Variants in AGBL4 observed in about 807,000 individuals in gnomAD.
The protein encoded by AGBL4 is cytosolic carboxypeptidase 6.
Under a neutral mutation model 66.4 loss-of-function variants are expected in AGBL4, and 58 were observed. That is an observed-to-expected ratio of 0.87 (90% confidence interval 0.71 to 1.09). The LOEUF is 1.09. Ranked by LOEUF, AGBL4 falls within the 50% of genes least tolerant of loss-of-function variation. The pLI is 0.00. For synonymous variants in AGBL4, 234 were observed against 222.9 expected (o/e 1.05, Z -0.44); for missense variants, 579 against 631.0 (o/e 0.92, Z 0.88).
At chr1:49,747,630 T>C (rs1177821514) in intron 2 of AGBL4, among the ~76,000 whole-genome samples, 2 of 152,186 alleles carry the variant, frequency 1.3e-5, no homozygotes, top group Non-Finnish European at 1.5e-5. Context: ...AGAGATCTTC[T>C]AAAATTTTTC....
At chr1:49,613,243 AGAGTGGGGTAAGGGCT>A (rs1645186517) in intron 3 of AGBL4, among the ~76,000 whole-genome samples, 1 of 151,988 alleles carries the variant, frequency 6.6e-6, no homozygotes, top group African/African-American at 2.4e-5. Flanking sequence ...GGGGAGGAAA[AGAGTGGGGTAAGGGCT>A]GAAAACTACC....
At position 49,109,776 on chromosome 1, in the gene AGBL4, C is replaced by T. The variant is rs748772135; in HGVS notation, c.378-63976G>A. On this transcript the variant is annotated intron_variant, in intron 4 of 13. Transcript: ENST00000371839. ...TTGCCTCACTGATTCCACCTTTCCC[C>T]GTCCACTTTCATTTTTCTTACTGAC... Among the ~76,000 whole-genome samples the T allele has an allele frequency of 9.2e-5, 14 of 152,192 alleles. No individual in the cohort carries two copies. In the East Asian group the frequency reaches 9.7e-4, roughly 11 times the overall value.
intron 6 of AGBL4, among the ~76,000 whole-genome samples, chr1:48,804,036 A>T (rs1390534214): frequency 1.3e-5 from 2 of 152,192 alleles, no homozygotes; most frequent in African/African-American, 2.4e-5. Context: ...ACAAGATTTT[A>T]AAAAATCCCA....
At chr1:49,271,619 A>C (rs1174353539) in intron 3 of AGBL4, among the ~76,000 whole-genome samples, 2 of 151,610 alleles carry the variant, frequency 1.3e-5, no homozygotes, top group African/African-American at 4.8e-5. Flanking sequence ...TAGATTTCTT[A>C]GTTGACTAAA....
At chr1:49,175,078 C>A (rs1398612242) in intron 4 of AGBL4, 1 of 151,978 alleles carries the variant, frequency 6.6e-6, no homozygotes, top group African/African-American at 2.4e-5. Context: ...CCTTCATTAT[C>A]TCAGGTACAA....
chr1:49,936,641 G>A (rs951897605), intron 1 of AGBL4, among the ~76,000 whole-genome samples: 6 of 152,138 alleles, frequency 3.9e-5, no homozygotes, highest in African/African-American at 1.2e-4. Flanking sequence ...CGGATCTCTC[G>A]GCAGAAACTC....
At chr1:49,186,317 A>G (rs1423313049) in intron 4 of AGBL4, among the ~76,000 whole-genome samples, 1 of 152,190 alleles carries the variant, frequency 6.6e-6, no homozygotes, top group Non-Finnish European at 1.5e-5. Flanking sequence ...CTACCCTGTT[A>G]TCCTCCAACA....
chr1:49,732,663 G>C (rs1320245547), intron 2 of AGBL4, among the ~76,000 whole-genome samples: 1 of 152,140 alleles, frequency 6.6e-6, no homozygotes, highest in Admixed American at 6.6e-5. Context: ...ATAAACAGTA[G>C]ATTTGAGGTG....
chr1:49,582,447 T>C (rs983273123), intron 3 of AGBL4, among the ~76,000 whole-genome samples: 16 of 152,150 alleles, frequency 1.1e-4, no homozygotes, highest in Non-Finnish European at 1.9e-4. Flanking sequence ...TAGTTCATGC[T>C]TCACTTGCAA....
intron 3 of AGBL4, among the ~76,000 whole-genome samples, chr1:49,696,551 A>G (rs1202790565): frequency 6.6e-6 from 1 of 152,140 alleles, no homozygotes; most frequent in African/African-American, 2.4e-5. Flanking sequence ...TATTCAAAGT[A>G]TTGTATAAAA....
At chr1:49,952,722 C>A (rs945740715) in intron 1 of AGBL4, among the ~76,000 whole-genome samples, 2 of 151,684 alleles carry the variant, frequency 1.3e-5, no homozygotes, top group Non-Finnish European at 2.9e-5. Flanking sequence ...GAAGACAGTC[C>A]CAGTAATAGA....
chr1:49,525,858 C>T (rs1337057834), intron 3 of AGBL4, among the ~76,000 whole-genome samples: 3 of 151,728 alleles, frequency 2.0e-5, no homozygotes, highest in Admixed American at 6.5e-5. Flanking sequence ...GAGGCCAAGG[C>T]GGGTGGGTCA....
intron 3 of AGBL4, among the ~76,000 whole-genome samples, chr1:49,256,962 A>G (rs1652558367): frequency 6.6e-6 from 1 of 152,210 alleles, no homozygotes; most frequent in African/African-American, 2.4e-5. Flanking sequence ...ATACAGAAAT[A>G]AAACCCAAAT....
In AGBL4 at chr1:49,596,452, T is replaced by G. The variant is rs1308263531; in HGVS notation, c.282+100861A>C. ...TGCCAAAATGGTGGGATTACAGCTGTGAGGCACTACGCCCAGCCTGTCCTC... is the reference window on the plus strand; with the variant it reads ...TGCCAAAATGGTGGGATTACAGCTGGGAGGCACTACGCCCAGCCTGTCCTC... On this transcript the variant is annotated intron_variant, in intron 3 of 13. Coordinates refer to ENST00000371839, the MANE Select transcript of AGBL4 (RefSeq NM_032785.4). Among the ~76,000 whole-genome samples the G allele has an allele frequency of 3.9e-5, 6 of 152,340 alleles. No homozygotes were observed. The East Asian group carries it at 1.2e-3, about 29-fold the overall frequency.
chr1:49,309,578 T>G (rs1460746737), intron 3 of AGBL4, among the ~76,000 whole-genome samples: 1 of 152,042 alleles, frequency 6.6e-6, no homozygotes, highest in Non-Finnish European at 1.5e-5. Flanking sequence ...CTCTGGTTAC[T>G]TAATCCATGT....
At position 49,430,458 on chromosome 1, in the gene AGBL4, C is replaced by G. The variant is rs540310641; in HGVS notation, c.283-184594G>C. On this transcript the variant is annotated intron_variant, in intron 3 of 13. Coordinates refer to ENST00000371839, the MANE Select transcript of AGBL4 (RefSeq NM_032785.4). ...CATGAGAAGGAAATTTTCTTTGCTT[C>G]TGTATCAGCAGACCCTAGTATGGGC... 1.9e-4 allele frequency among the ~76,000 whole-genome samples: 29 copies of G among 152,276 alleles called. No homozygotes were observed. In the South Asian group the frequency reaches 5.2e-3, roughly 27 times the overall value.
In AGBL4 at chr1:48,755,303, C is replaced by T. The variant is rs1294780717; in HGVS notation, c.635-92062G>A. Among the ~76,000 whole-genome samples the T allele has an allele frequency of 1.3e-5, 2 of 152,182 alleles. 1 individual carries two copies. Among genetic ancestry groups the T allele is most frequent in the African/African-American group, 4.8e-5 (2 of 41,440 alleles). On this transcript the variant is annotated intron_variant, in intron 6 of 13. Coordinates refer to ENST00000371839, the MANE Select transcript of AGBL4 (RefSeq NM_032785.4). The stretch of plus-strand genomic sequence containing the variant: ...TCTACCATTCGTAGGACCCCACTAC[C>T]TCGGTGAGTAAATAATGATTCTTCC...
At chr1:49,846,489 CAT>C (rs1461866763) in intron 2 of AGBL4, 7 of 969,058 alleles carry the variant, frequency 7.2e-6, no homozygotes, top group Non-Finnish European at 1.0e-5. Flanking sequence ...ACATGAGAAA[CAT>C]ATGTCTTTAT....
chr1:49,403,041 A>G (rs1477553664), intron 3 of AGBL4, among the ~76,000 whole-genome samples: 2 of 151,972 alleles, frequency 1.3e-5, no homozygotes, highest in African/African-American at 4.8e-5. Context: ...GCTTTTGTTG[A>G]TTTTCTGTCT....
Sources: gnomAD v4.1 joint callset for allele counts (sites outside exome capture counted in the v4.1 genomes callset) on GRCh38, gnomAD v4.1.1 for gene constraint, MANE v1.5 for transcripts, NCBI Gene and HGNC (gene_info 2026-07-23, HGNC 2026-07-21) for gene names.